Variants in AGPAT4 observed in about 807,000 individuals in gnomAD.
AGPAT4 encodes 1-acylglycerol-3-phosphate O-acyltransferase 4, also known as 1-acyl-sn-glycerol-3-phosphate acyltransferase delta.
Under a neutral mutation model 48.0 loss-of-function variants are expected in AGPAT4, and 15 were observed. That is an observed-to-expected ratio of 0.31 (90% CI 0.21 to 0.48). The LOEUF is 0.48. Ranked by LOEUF, AGPAT4 falls within the 20% of genes least tolerant of loss-of-function variation. AGPAT4 has a pLI of 0.99. For synonymous variants in AGPAT4, 178 were observed against 198.7 expected (o/e 0.90, Z 0.88); for missense variants, 314 against 482.5 (o/e 0.65, Z 3.27).
At chr6:161,176,757 A>ATT (rs1780441976) in intron 2 of AGPAT4, among the ~76,000 whole-genome samples, 1 of 152,124 alleles carries the variant, frequency 6.6e-6, no homozygotes. Flanking sequence ...ACAATTTGGC[A>ATT]TGTTTTTGTA....
At chr6:161,253,791 C>T (rs1163586437) in intron 1 of AGPAT4, among the ~76,000 whole-genome samples, 1 of 152,058 alleles carries the variant, frequency 6.6e-6, no homozygotes, top group African/African-American at 2.4e-5. Flanking sequence ...TTCAACACTG[C>T]GATTTTGAAA....
Position 161,261,305 on chromosome 6 carries a change from C to T in AGPAT4, c.-90+12633G>A, listed in dbSNP as rs1783093846. Among the ~76,000 whole-genome samples, 1 of 152,206 alleles carries T rather than the reference C, an allele frequency of 6.6e-6. No individual in the cohort carries two copies. Among genetic ancestry groups the T allele is most frequent in the Admixed American group, 6.6e-5 (1 of 15,252 alleles). ...GACAAACAACAGAAAAGACCCGGCA[C>T]AGTCCTGGGCCACATGACGTTGACA... On this transcript the variant is annotated intron_variant, in intron 1 of 8. Transcript: ENST00000320285. The surrounding 1 kb of genome is among the most constrained non-coding windows in gnomAD (Gnocchi z 5.3).
At chr6:161,185,284 T>A (rs1189670717) in intron 2 of AGPAT4, among the ~76,000 whole-genome samples, 1 of 99,468 alleles carries the variant, frequency 1.0e-5, no homozygotes, top group Non-Finnish European at 2.1e-5. Flanking sequence ...TTAAGATGTC[T>A]TTTTTTTTTT....
rs1431114021 is a variant in AGPAT4 at position 161,216,580 on chromosome 6, A to G, written c.178+15456T>C. 6.6e-6 allele frequency among the ~76,000 whole-genome samples: 1 copy of G among 152,160 alleles called. No homozygotes were observed. Among genetic ancestry groups the G allele is most frequent in the African/African-American group, 2.4e-5 (1 of 41,444 alleles). On this transcript the variant is annotated intron_variant, in intron 2 of 8. Transcript: ENST00000320285. The surrounding 1 kb of genome is among the most constrained non-coding windows in gnomAD (Gnocchi z 4.8). ...TCTCTTAATTCAGATGATTTTCCCC[A>G]GTGTCCGTTTTCACACTGCTGCTGA...
At position 161,139,235 on chromosome 6, in the gene AGPAT4, G is replaced by A. The variant is rs1779173037; in HGVS notation, c.1042+187C>T. Reference sequence around the variant, plus strand: ...CTGGACCGTCCAGGCTGCGGAGGGGGTCCCAGGCCTGGTATTCGAGGGCCT... The same window carrying A: ...CTGGACCGTCCAGGCTGCGGAGGGGATCCCAGGCCTGGTATTCGAGGGCCT... On this transcript the variant is annotated intron_variant, in intron 8 of 8. Coordinates refer to ENST00000320285, the MANE Select transcript of AGPAT4 (RefSeq NM_020133.3). The surrounding 1 kb of genome is among the most constrained non-coding windows in gnomAD (Gnocchi z 9.1). 6.6e-6 allele frequency among the ~76,000 whole-genome samples: 1 copy of A among 152,190 alleles called. No homozygotes were observed. Among genetic ancestry groups the A allele is most frequent in the Non-Finnish European group, 1.5e-5 (1 of 68,032 alleles).
At chr6:161,162,223 G>A (rs896039575) in intron 3 of AGPAT4, among the ~76,000 whole-genome samples, 1 of 152,244 alleles carries the variant, frequency 6.6e-6, no homozygotes, top group Non-Finnish European at 1.5e-5. Context: ...CAGCCGCCAA[G>A]GGGCCCTGTG....
Position 161,135,160 on chromosome 6 carries a change from A to G in AGPAT4, c.*1380T>C, listed in dbSNP as rs1441817228. ...AGAATAGGCCTTATAATGTGTGGCC[A>G]GTTTTTGTATAGAGCTGTTCATTCC... On this transcript the variant is annotated 3_prime_UTR_variant, in exon 9 of 9. Transcript: ENST00000320285. 6.6e-6 allele frequency: 1 copy of G among 152,244 alleles called. No homozygotes were observed. The highest frequency in any genetic ancestry group is 1.5e-5 in the Non-Finnish European group (1 of 68,050). 9.4% of individuals were successfully genotyped at this position (152,244 alleles called of 1,614,324 possible). A position where few individuals can be genotyped will look rare whatever the true frequency, so the allele number is the denominator to read the frequency against.
intron 2 of AGPAT4, among the ~76,000 whole-genome samples, chr6:161,213,486 G>GTCTA (rs935570823): frequency 3.0e-4 from 44 of 147,906 alleles, no homozygotes; most frequent in African/African-American, 9.6e-4. Flanking sequence ...TGGGCTACAA[G>GTCTA]TCTTCAAAAT....
Position 161,262,736 on chromosome 6 carries a change from T to C in AGPAT4, c.-90+11202A>G, listed in dbSNP as rs1391040722. Among the ~76,000 whole-genome samples, 2 of 152,260 alleles carry C rather than the reference T, an allele frequency of 1.3e-5. No homozygotes were observed. The highest frequency in any genetic ancestry group is 3.9e-4 in the East Asian group (2 of 5,168). On this transcript the variant is annotated intron_variant, in intron 1 of 8. Coordinates refer to ENST00000320285, the MANE Select transcript of AGPAT4 (RefSeq NM_020133.3). This position sits in a 1 kb window ranked among gnomAD's most constrained non-coding sequence, Gnocchi z 4.9. ...GACCCTCATAGTGAGGGGCACCCTT[T>C]GGGTAGCTTCTTGGGACTTGAACTG...
intron 2 of AGPAT4, among the ~76,000 whole-genome samples, chr6:161,192,189 T>G (rs1780947306): frequency 7.0e-6 from 1 of 142,266 alleles, no homozygotes; most frequent in Non-Finnish European, 1.5e-5. Flanking sequence ...CTTGCTCTGT[T>G]GCCCAGGCTG....
At chr6:161,191,702 A>G (rs1019045739) in intron 2 of AGPAT4, among the ~76,000 whole-genome samples, 3 of 152,252 alleles carry the variant, frequency 2.0e-5, no homozygotes, top group Non-Finnish European at 1.5e-5. Context: ...GACATTTAAA[A>G]TATCAGAAAC....
intron 1 of AGPAT4, among the ~76,000 whole-genome samples, chr6:161,258,863 T>C (rs1033172669): frequency 6.6e-6 from 1 of 151,028 alleles, no homozygotes; most frequent in African/African-American, 2.4e-5. Context: ...AGTGGCACAA[T>C]CTAGGCTCAC....
intron 2 of AGPAT4, among the ~76,000 whole-genome samples, chr6:161,188,967 T>A (rs990015725): frequency 3.3e-5 from 5 of 152,234 alleles, no homozygotes; most frequent in Admixed American, 2.0e-4. Context: ...CTGCTGACCC[T>A]GATGCTGAGG....
In AGPAT4 at chr6:161,133,147, A is replaced by G. The variant is rs1274538965; in HGVS notation, c.*3393T>C. 3 of 152,216 alleles carry G rather than the reference A, an allele frequency of 2.0e-5. No individual in the cohort carries two copies. The highest frequency in any genetic ancestry group is 4.8e-5 in the African/African-American group (2 of 41,462). 9.4% of individuals were successfully genotyped at this position (152,216 alleles called of 1,614,324 possible). On this transcript the variant is annotated 3_prime_UTR_variant, in exon 9 of 9. Transcript: ENST00000320285. ...TTCACACTTTGGTCAATATTTATGA[A>G]TAAGTTCTAAAGCCTATGCGAAGCC...
rs1210012623 is a variant in AGPAT4 at position 161,219,862 on chromosome 6, GATA to G, written c.178+12171_178+12173del. On this transcript the variant is annotated intron_variant, in intron 2 of 8. Coordinates refer to ENST00000320285, the MANE Select transcript of AGPAT4 (RefSeq NM_020133.3). The surrounding 1 kb of genome is among the most constrained non-coding windows in gnomAD (Gnocchi z 4.9). ...AGATAGATAGATAGATAGATAGATAGATAGATAGATAGGCAGGCAGGCAGGCAG... is the reference window on the plus strand; with the variant it reads ...AGATAGATAGATAGATAGATAGATAGGATAGATAGGCAGGCAGGCAGGCAG... Among the ~76,000 whole-genome samples the G allele has an allele frequency of 5.0e-5, 6 of 120,514 alleles. No individual in the cohort carries two copies. Among genetic ancestry groups the G allele is most frequent in the East Asian group, 2.2e-4 (1 of 4,474 alleles). The allele number at this position is 120,514 out of a possible 152,430, so 79.1% of individuals were successfully genotyped here.
chr6:161,190,303 TGA>T (rs949091819), intron 2 of AGPAT4, among the ~76,000 whole-genome samples: 6 of 151,718 alleles, frequency 4.0e-5, no homozygotes, highest in South Asian at 2.1e-4. Flanking sequence ...AGTGAGCAAG[TGA>T]GAGAGAGAGA....
Position 161,155,093 on chromosome 6 carries a change from C to T in AGPAT4, c.349-783G>A, listed in dbSNP as rs1183668875. On this transcript the variant is annotated intron_variant, in intron 3 of 8. Transcript: ENST00000320285. The surrounding 1 kb of genome is among the most constrained non-coding windows in gnomAD (Gnocchi z 5.8). ...CTGCCAGAGACCTTCTTGAGGCTGA[C>T]GCAGGTGCACGAGCTAGGCCCCACA... Among the ~76,000 whole-genome samples, 1 of 152,106 alleles carries T rather than the reference C, an allele frequency of 6.6e-6. No individual in the cohort carries two copies. Among genetic ancestry groups the T allele is most frequent in the Non-Finnish European group, 1.5e-5 (1 of 68,006 alleles).
Position 161,165,722 on chromosome 6 carries a change from GA to G in AGPAT4, c.348+525del, listed in dbSNP as rs112552218. 6,800 of 672,866 alleles carry G rather than the reference GA, an allele frequency of 0.01. No individual in the cohort carries two copies. Among genetic ancestry groups the G allele is most frequent in the Non-Finnish European group, 0.012 (5,169 of 442,432 alleles). The allele number at this position is 672,866 out of a possible 1,614,324, so 41.7% of individuals were successfully genotyped here. On this transcript the variant is annotated intron_variant, in intron 3 of 8. Coordinates refer to ENST00000320285, the MANE Select transcript of AGPAT4 (RefSeq NM_020133.3). This position sits in a 1 kb window ranked among gnomAD's most constrained non-coding sequence, Gnocchi z 5.5. ...ACGTGCAAGAGGTCAAACTAGTTGG[GA>G]AAAAAAAAAAACAGAATTTCAGAAT...
At position 161,272,705 on chromosome 6, in the gene AGPAT4, AAC is replaced by A. The variant is rs3043142; in HGVS notation, c.-90+1231_-90+1232del. On this transcript the variant is annotated intron_variant, in intron 1 of 8. Coordinates refer to ENST00000320285, the MANE Select transcript of AGPAT4 (RefSeq NM_020133.3). This position sits in a 1 kb window ranked among gnomAD's most constrained non-coding sequence, Gnocchi z 4.2. ...TCCCTGCCCGCCTCCCATTTCCCTAAACACACACACACACACACACACACACA... is the reference window on the plus strand; with the variant it reads ...TCCCTGCCCGCCTCCCATTTCCCTAAACACACACACACACACACACACACA... Among the ~76,000 whole-genome samples, 556 of 146,856 alleles carry A rather than the reference AAC, an allele frequency of 3.8e-3. 6 individuals are homozygous for A. Among genetic ancestry groups the A allele is most frequent in the East Asian group, 0.021 (103 of 5,004 alleles).
Sources: allele counts gnomAD v4.1 joint callset (sites outside exome capture counted in the v4.1 genomes callset), GRCh38; gene constraint gnomAD v4.1.1; non-coding constraint Gnocchi (gnomAD v3.1); transcripts MANE v1.5; gene names NCBI Gene and HGNC (gene_info 2026-07-23, HGNC 2026-07-21).